The following NUDT3 variants were observed in gnomAD, a reference collection of about 807,000 sequenced individuals.
NUDT3 encodes diphosphoinositol polyphosphate phosphohydrolase 1.
NUDT3 carries 9 observed loss-of-function variants against 23.6 expected under a neutral mutation model. That is an observed-to-expected ratio of 0.38 (90% CI 0.23 to 0.66). NUDT3 has a LOEUF of 0.66. Among genes scored for constraint, NUDT3 ranks in the 30% least tolerant of loss-of-function variants. The probability of loss-of-function intolerance (pLI) is 0.52; values close to 1 mark genes in which losing one functional copy is unlikely to be tolerated. For synonymous variants in NUDT3, 86 were observed against 82.6 expected, an observed-to-expected ratio of 1.04 and a Z score of -0.22; for missense variants, 172 against 218.5, an observed-to-expected ratio of 0.79 and a Z score of 1.34.
intron 1 of NUDT3, among the ~76,000 whole-genome samples, chr6:34,383,594 T>C (rs1328513439): frequency 1.3e-5 from 2 of 152,188 alleles, no homozygotes; most frequent in Non-Finnish European, 2.9e-5. Flanking sequence ...AAGAAATGAA[T>C]AAACAATTGT....
intron 1 of NUDT3, among the ~76,000 whole-genome samples, chr6:34,384,998 C>T (rs1337709644): frequency 6.8e-6 from 1 of 147,758 alleles, no homozygotes; most frequent in Non-Finnish European, 1.5e-5. Context: ...TACTGCATTC[C>T]AGCCTGGTCA....
chr6:34,289,280 A>G (rs1763381773), intron 4 of NUDT3, among the ~76,000 whole-genome samples: 1 of 152,172 alleles, frequency 6.6e-6, no homozygotes, highest in African/African-American at 2.4e-5. Context: ...AAAAACTGAC[A>G]TGAGGGCCGG....
chr6:34,390,665 A>T (rs1282567540), intron 1 of NUDT3, among the ~76,000 whole-genome samples: 1 of 151,940 alleles, frequency 6.6e-6, no homozygotes, highest in Non-Finnish European at 1.5e-5. Context: ...GCCTGGTGTG[A>T]TTTTTTTAAA....
chr6:34,387,476 A>G (rs567276634), intron 1 of NUDT3, among the ~76,000 whole-genome samples: 1 of 152,282 alleles, frequency 6.6e-6, no homozygotes, highest in South Asian at 2.1e-4. Flanking sequence ...CCAGAGGAAC[A>G]AAAAGTAAAA....
At chr6:34,375,408 A>C (rs893032096) in intron 1 of NUDT3, among the ~76,000 whole-genome samples, 6 of 152,224 alleles carry the variant, frequency 3.9e-5, no homozygotes, top group Admixed American at 1.3e-4. Flanking sequence ...TCTCCTGCTC[A>C]TAGTTTATCC....
At chr6:34,346,864 T>C (rs570938170) in intron 1 of NUDT3, among the ~76,000 whole-genome samples, 2 of 152,330 alleles carry the variant, frequency 1.3e-5, no homozygotes, top group African/African-American at 4.8e-5. Context: ...GTAGAGATCC[T>C]CCAGCTTCAG....
intron 1 of NUDT3, among the ~76,000 whole-genome samples, chr6:34,348,639 GGTGGCGGGCGCCTGTAGTCCCA>G (rs1346298009): frequency 2.0e-5 from 3 of 152,036 alleles, no homozygotes; most frequent in Non-Finnish European, 2.9e-5. Context: ...AGCCGGGCGT[GGTGGCGGGCGCCTGTAGTCCCA>G]GCTACTCAGG....
At chr6:34,317,282 G>A (rs1445483162) in intron 2 of NUDT3, among the ~76,000 whole-genome samples, 1 of 152,066 alleles carries the variant, frequency 6.6e-6, no homozygotes, top group Non-Finnish European at 1.5e-5. Context: ...GTTAAGAATA[G>A]CAGTGGTTAG....
intron 1 of NUDT3, among the ~76,000 whole-genome samples, chr6:34,355,628 C>G (rs548962115): frequency 7.5e-6 from 1 of 133,630 alleles, no homozygotes; most frequent in East Asian, 2.2e-4. Context: ...TAGAATGATA[C>G]TACTTCTTAA....
chr6:34,324,183 G>C (rs1374645243), intron 2 of NUDT3, among the ~76,000 whole-genome samples: 1 of 151,956 alleles, frequency 6.6e-6, no homozygotes, highest in Non-Finnish European at 1.5e-5. Flanking sequence ...GGGAAACCCC[G>C]TCTCTACTAA....
chr6:34,391,572 A>C (rs1178253373), intron 1 of NUDT3, among the ~76,000 whole-genome samples: 1 of 152,180 alleles, frequency 6.6e-6, no homozygotes, highest in Non-Finnish European at 1.5e-5. Flanking sequence ...TCAGGGCAAA[A>C]ATGTTAAATA....
At chr6:34,386,036 C>T (rs1765100094) in intron 1 of NUDT3, among the ~76,000 whole-genome samples, 1 of 152,156 alleles carries the variant, frequency 6.6e-6, no homozygotes, top group Non-Finnish European at 1.5e-5. Flanking sequence ...ATTACAATAA[C>T]AAGTACAATG....
intron 2 of NUDT3, among the ~76,000 whole-genome samples, chr6:34,326,072 G>A (rs1232555153): frequency 6.6e-6 from 1 of 150,888 alleles, no homozygotes; most frequent in Non-Finnish European, 1.5e-5. Context: ...CATGTACATT[G>A]TTATTAGGAA....
At chr6:34,368,617 G>A (rs968199859) in intron 1 of NUDT3, among the ~76,000 whole-genome samples, 5 of 152,128 alleles carry the variant, frequency 3.3e-5, no homozygotes, top group East Asian at 1.9e-4. Context: ...ATCAACGTAC[G>A]AAACAGTAGC....
intron 1 of NUDT3, among the ~76,000 whole-genome samples, chr6:34,391,911 T>C (rs994578053): frequency 1.4e-4 from 22 of 152,070 alleles, no homozygotes; most frequent in Admixed American, 1.4e-3. Flanking sequence ...GAGCGGCCCT[T>C]CCAGGATCAA....
chr6:34,380,152 C>T (rs1472640700), intron 1 of NUDT3, among the ~76,000 whole-genome samples: 2 of 152,072 alleles, frequency 1.3e-5, no homozygotes, highest in East Asian at 1.9e-4. Flanking sequence ...AGCGCGATCT[C>T]GGCTCACTGC....
chr6:34,360,107 T>C (rs987392276), intron 1 of NUDT3, among the ~76,000 whole-genome samples: 2 of 151,524 alleles, frequency 1.3e-5, no homozygotes, highest in African/African-American at 2.4e-5. Flanking sequence ...CACATGCCTG[T>C]AGTCCCACAC....
intron 2 of NUDT3, among the ~76,000 whole-genome samples, chr6:34,308,294 C>T (rs1763715313): frequency 1.3e-5 from 2 of 151,460 alleles, no homozygotes; most frequent in South Asian, 4.2e-4. Context: ...CCTCTCTCTA[C>T]AAGAAATAAA....
At chr6:34,369,933 A>C (rs1764801127) in intron 1 of NUDT3, among the ~76,000 whole-genome samples, 1 of 151,872 alleles carries the variant, frequency 6.6e-6, no homozygotes, top group Non-Finnish European at 1.5e-5. Flanking sequence ...TCTTGGGGAC[A>C]AATCTGAGGT....
Sources: allele counts gnomAD v4.1 joint callset (sites outside exome capture counted in the v4.1 genomes callset), GRCh38; gene constraint gnomAD v4.1.1; transcripts MANE v1.5; gene names NCBI Gene and HGNC (gene_info 2026-07-23, HGNC 2026-07-21).